Variants in MYO18B observed in about 807,000 individuals in gnomAD.
The protein encoded by MYO18B is myosin XVIIIB, also known as unconventional myosin-XVIIIb.
In MYO18B, 204 loss-of-function variants were observed where a neutral mutation model predicts 273.0. The observed-to-expected ratio is 0.75, with a 90% confidence interval of 0.67 to 0.84. MYO18B has a LOEUF of 0.84. Ranked by LOEUF, MYO18B falls within the 40% of genes least tolerant of loss-of-function variation. The probability of loss-of-function intolerance (pLI) is 0.00; values close to 1 mark genes in which losing one functional copy is unlikely to be tolerated. For synonymous variants in MYO18B, 1,330 were observed against 1,305.7 expected, an observed-to-expected ratio of 1.02 and a Z score of -0.40; for missense variants, 3,212 against 3,287.6, an observed-to-expected ratio of 0.98 and a Z score of 0.56.
Position 25,825,080 on chromosome 22 carries a change from C to T in MYO18B, c.2696-1329C>T, listed in dbSNP as rs187778488. ...ACACACGCATAGACACAAGCACACA[C>T]GTGCACACATATGCACAGGCACAAA... On this transcript the variant is annotated intron_variant, in intron 13 of 43. Coordinates refer to ENST00000335473, the MANE Select transcript of MYO18B (RefSeq NM_032608.7). Among the ~76,000 whole-genome samples, 120 of 152,276 alleles carry T rather than the reference C, an allele frequency of 7.9e-4. 2 individuals carry two copies. In the East Asian group the frequency reaches 0.02, roughly 25 times the overall value.
At chr22:25,924,964 G>A (rs1463992489) in intron 34 of MYO18B, among the ~76,000 whole-genome samples, 1 of 152,098 alleles carries the variant, frequency 6.6e-6, no homozygotes, top group Admixed American at 6.5e-5. Flanking sequence ...CATAACCCTA[G>A]GAGGTGGATA....
At chr22:25,942,484 CTG>C (rs1274538359) in intron 34 of MYO18B, among the ~76,000 whole-genome samples, 2 of 152,214 alleles carry the variant, frequency 1.3e-5, no homozygotes, top group Non-Finnish European at 2.9e-5. Flanking sequence ...TCCATTCCGT[CTG>C]TGTGGTCAGA....
At chr22:25,908,733 A>G (rs894331467) in intron 32 of MYO18B, among the ~76,000 whole-genome samples, 1 of 152,240 alleles carries the variant, frequency 6.6e-6, no homozygotes, top group Non-Finnish European at 1.5e-5. Flanking sequence ...TTTCAATAAT[A>G]GAACCAATTC....
At chr22:25,913,374 CTTTTT>C (rs1207132821) in intron 33 of MYO18B, among the ~76,000 whole-genome samples, 1 of 151,708 alleles carries the variant, frequency 6.6e-6, no homozygotes, top group African/African-American at 2.4e-5. Flanking sequence ...CTTTTCTTTT[CTTTTT>C]TTGAGACGGA....
At chr22:25,874,452 G>A (rs374879597) in intron 23 of MYO18B, 38 bp downstream of exon 23, 21 of 1,591,728 alleles carry the variant, frequency 1.3e-5, no homozygotes, top group Middle Eastern at 1.7e-4. Context: ...CTGATCCAAC[G>A]GGTCTGGAGC....
chr22:25,932,838 TG>T (rs200191741), intron 34 of MYO18B, among the ~76,000 whole-genome samples: 2,877 of 150,086 alleles, frequency 0.019, 86 homozygotes, highest in East Asian at 0.12. Flanking sequence ...TTTTTTTTTT[TG>T]TTTTTAAATG....
intron 40 of MYO18B, among the ~76,000 whole-genome samples, chr22:25,996,912 C>A (rs570855702): frequency 1.3e-5 from 2 of 152,258 alleles, no homozygotes; most frequent in South Asian, 4.1e-4. Flanking sequence ...TTTCTCCTAC[C>A]TTTCTTCTCC....
chr22:25,902,576 G>A, intron 29 of MYO18B, 37 bp from the exon 30 acceptor site: 1 of 1,589,726 alleles, frequency 6.3e-7, no homozygotes, highest in Non-Finnish European at 8.6e-7. Flanking sequence ...CTGCCCACCT[G>A]CCTACGGGGC....
chr22:25,935,068 A>G (rs977719182), intron 34 of MYO18B, among the ~76,000 whole-genome samples: 4 of 152,194 alleles, frequency 2.6e-5, no homozygotes, highest in African/African-American at 9.7e-5. Context: ...CCTGACCATT[A>G]ATAGTGTAAC....
At chr22:25,779,132 T>C (rs1303248298) in intron 8 of MYO18B, among the ~76,000 whole-genome samples, 1 of 152,022 alleles carries the variant, frequency 6.6e-6, no homozygotes, top group Non-Finnish European at 1.5e-5. Flanking sequence ...AAGAGTAAAA[T>C]TTTTTTTACC....
chr22:26,063,344 C>T, the MYO18B span, among the ~76,000 whole-genome samples: 5 of 152,132 alleles, frequency 3.3e-5, no homozygotes, highest in African/African-American at 9.7e-5. Flanking sequence ...GAAAATATTA[C>T]CTCGTATGCT....
intron 21 of MYO18B, among the ~76,000 whole-genome samples, chr22:25,860,896 T>G (rs544416903): frequency 6.6e-6 from 1 of 152,178 alleles, no homozygotes; most frequent in East Asian, 1.9e-4. Flanking sequence ...TATTTTTTTT[T>G]TTTTTGAGAC....
At chr22:26,055,402 G>A in the MYO18B span, among the ~76,000 whole-genome samples, 3 of 152,340 alleles carry the variant, frequency 2.0e-5, no homozygotes, top group African/African-American at 7.2e-5. Flanking sequence ...CTGGAGCATT[G>A]AAGAGGGCCT....
At chr22:25,775,563 G>A (rs1009796094) in intron 7 of MYO18B, among the ~76,000 whole-genome samples, 4 of 151,952 alleles carry the variant, frequency 2.6e-5, no homozygotes, top group Admixed American at 6.6e-5. Flanking sequence ...CTCTTCCCTC[G>A]CTGCCAAATC....
At chr22:25,792,242 G>C (rs9613023) in intron 11 of MYO18B, among the ~76,000 whole-genome samples, 81,349 of 152,084 alleles carry the variant, frequency 0.53, 26,262 homozygotes, top group Non-Finnish European at 0.71. Context: ...TCCTCTGTTG[G>C]TTGGAGAGAC....
At chr22:26,013,888 C>G (rs1417512700) in intron 42 of MYO18B, among the ~76,000 whole-genome samples, 1 of 151,966 alleles carries the variant, frequency 6.6e-6, no homozygotes, top group African/African-American at 2.4e-5. Context: ...ATCTGTAGTT[C>G]TTTATGTATT....
At chr22:25,847,078 C>A (rs375940341) in intron 19 of MYO18B, among the ~76,000 whole-genome samples, 32 of 139,282 alleles carry the variant, frequency 2.3e-4, no homozygotes, top group Admixed American at 3.6e-4. Flanking sequence ...GACTCTGTCT[C>A]AAAAAAAAAA....
At chr22:25,833,252 G>A (rs2089779455) in intron 16 of MYO18B, among the ~76,000 whole-genome samples, 3 of 152,140 alleles carry the variant, frequency 2.0e-5, no homozygotes, top group Non-Finnish European at 2.9e-5. Flanking sequence ...CTGAGTCTAT[G>A]TCTTAGAATA....
rs1000845962 is a variant in MYO18B at position 25,790,351 on chromosome 22, C to T, written c.2376+4860C>T. ...TTACATACATTTACATGGTTTTAAA[C>T]CTTTTTGTGGTTCTTAGTGATAAGG... On this transcript the variant is annotated intron_variant, in intron 11 of 43. Coordinates refer to ENST00000335473, the MANE Select transcript of MYO18B (RefSeq NM_032608.7). 3.3e-5 allele frequency among the ~76,000 whole-genome samples: 5 copies of T among 152,156 alleles called. No individual in the cohort carries two copies. In the East Asian group the frequency reaches 9.6e-4, roughly 29 times the overall value.
Sources: gnomAD v4.1 joint callset for allele counts (sites outside exome capture counted in the v4.1 genomes callset) on GRCh38, gnomAD v4.1.1 for gene constraint, MANE v1.5 for transcripts, NCBI Gene and HGNC (gene_info 2026-07-23, HGNC 2026-07-21) for gene names.